Variants in CLEC4F observed in about 807,000 individuals in gnomAD.
The protein encoded by CLEC4F is C-type lectin domain family 4 member F.
CLEC4F carries 45 observed loss-of-function variants against 53.4 expected under a neutral mutation model. The ratio of observed to expected loss-of-function variants is 0.84; its 90% CI spans 0.66 to 1.08. The LOEUF (loss-of-function observed/expected upper bound fraction) is 1.08. CLEC4F is among the 50% of genes least tolerant of loss of function. CLEC4F has a pLI of 0.00. For synonymous variants in CLEC4F, 245 were observed against 257.5 expected, an observed-to-expected ratio of 0.95 and a Z score of 0.46; for missense variants, 753 against 698.2, an observed-to-expected ratio of 1.08 and a Z score of -0.88.
rs1283995755 is a variant in CLEC4F, at chr2:70,809,024, C to A, written c.*247G>T. 11 of 1,467,698 alleles carry A rather than the reference C, an allele frequency of 7.5e-6. No homozygotes were observed. The African/African-American group carries it at 9.8e-5, about 13-fold the overall frequency. The allele number at this position is 1,467,698 out of a possible 1,614,324, so 90.9% of individuals were successfully genotyped here. On this transcript the variant is annotated 3_prime_UTR_variant, in exon 7 of 7. Transcript: ENST00000272367. ...CACTTCTGCTGAATTTGGACACAGT[C>A]TTCAGTCTGCCCATTCTTGTGCCGC...
At chr2:70,812,102 A>T (rs1676600959) in intron 5 of CLEC4F, among the ~76,000 whole-genome samples, 1 of 152,178 alleles carries the variant, frequency 6.6e-6, no homozygotes, top group Admixed American at 6.5e-5. Flanking sequence ...TCCAAAAAAA[A>T]GATGACTGGA....
chr2:70,811,420 C>A lies in CLEC4F; in HGVS notation c.1539+1027G>T, dbSNP rs1291562972. 5 of 632,968 alleles carry A rather than the reference C, an allele frequency of 7.9e-6. No homozygotes were observed. The African/African-American group carries it at 9.1e-5, about 12-fold the overall frequency. 39.2% of individuals were successfully genotyped at this position (632,968 alleles called of 1,614,324 possible). ...TCAGGCCAATTATAGATATCCTGTG[C>A]CTTGGTGCCCTGCCTGTTCTGCCTC... On this transcript the variant is annotated intron_variant, in intron 5 of 6. Coordinates refer to ENST00000272367, the MANE Select transcript of CLEC4F (RefSeq NM_173535.3).
At chr2:70,809,595 C>G in intron 6 of CLEC4F, 144 bp downstream of exon 6, 2 of 794,050 alleles carry the variant, frequency 2.5e-6, no homozygotes, top group South Asian at 1.6e-5. Flanking sequence ...GGCACACACA[C>G]CACACATACA....
At chr2:70,809,484 G>T in intron 6 of CLEC4F, 102 bp from the exon 7 acceptor site, 3 of 1,317,288 alleles carry the variant, frequency 2.3e-6, no homozygotes, top group Non-Finnish European at 3.1e-6. Flanking sequence ...AGGAGTCCAG[G>T]TGAGAGCGAT....
upstream of CLEC4F, among the ~76,000 whole-genome samples, chr2:70,821,288 C>A (rs1321610149): frequency 6.6e-6 from 1 of 152,144 alleles, no homozygotes; most frequent in African/African-American, 2.4e-5. Context: ...CCCCTTAGGA[C>A]TACACTTGGG....
upstream of CLEC4F, among the ~76,000 whole-genome samples, chr2:70,820,849 T>A (rs1221334199): frequency 7.2e-5 from 11 of 152,166 alleles, no homozygotes; most frequent in Admixed American, 1.3e-4. Context: ...GGGCTGGGAC[T>A]GGCACCTAGG....
At position 70,809,198 on chromosome 2, in the gene CLEC4F, C is replaced by A. The variant is rs79617432; in HGVS notation, c.*73G>T. 2,103 of 1,576,032 alleles carry A rather than the reference C, an allele frequency of 1.3e-3. 26 individuals are homozygous for A. In the African/African-American group the frequency reaches 0.024, roughly 18 times the overall value. On this transcript the variant is annotated 3_prime_UTR_variant, in exon 7 of 7. Transcript: ENST00000272367. Reference sequence around the variant, plus strand: ...AGCTGACTTGAGATGGGTCCTTCATCCCCTAGTGGCCCTAGGATGAGGACA... The same window carrying A: ...AGCTGACTTGAGATGGGTCCTTCATACCCTAGTGGCCCTAGGATGAGGACA...
chr2:70,818,907 G>T (rs1207878490), intron 3 of CLEC4F, among the ~76,000 whole-genome samples: 2 of 151,880 alleles, frequency 1.3e-5, no homozygotes, highest in African/African-American at 4.8e-5. Flanking sequence ...CAGACTGAGA[G>T]AAAAATATTT....
At position 70,816,864 on chromosome 2, in the gene CLEC4F, G is replaced by C; in HGVS notation, c.517C>G (p.Leu173Val). The C allele has an allele frequency of 6.2e-7, 1 of 1,614,166 alleles. No individual in the cohort carries two copies. The highest frequency in any genetic ancestry group is 8.5e-7 in the Non-Finnish European group (1 of 1,180,032). ...TGGATCTCAGCATTGGTTCCCTCCA[G>C]GGAACTCCTTAACATCTGTGTCTGC... Reference protein sequence around the residue: ...SLQTQMLRSSLEGTNAEIQRL... With the variant: ...SLQTQMLRSSVEGTNAEIQRL... Residue 173 changes from leucine (L) to valine (V), a missense_variant, in exon 4 of 7, where the codon CTG becomes GTG. Leu to Val is a conservative substitution (Grantham distance 32). Transcript: ENST00000272367.
Position 70,809,764 on chromosome 2 carries a change from G to A in CLEC4F, c.1633C>T (p.Pro545Ser), listed in dbSNP as rs143296096. The change falls in exon 6 of 7, where the codon CCA (proline) becomes TCA (serine). Residue 545 changes from proline to serine, a missense_variant. Coordinates refer to ENST00000272367, the MANE Select transcript of CLEC4F (RefSeq NM_173535.3). ...GCTTTGTTCTGGGCGGCGTTGAATG[G>A]TGTCCCATCTGTCCAGCGCCAGGAG... is the stretch of plus-strand genomic sequence containing the variant. ...EGSWRWTDGT[P>S]FNAAQNKAPG... 1 of 1,614,104 alleles carries A rather than the reference G, an allele frequency of 6.2e-7. No individual in the cohort carries two copies. The highest frequency in any genetic ancestry group is 1.3e-5 in the African/African-American group (1 of 75,058).
At chr2:70,811,458 C>A in intron 5 of CLEC4F, 1 of 566,546 alleles carries the variant, frequency 1.8e-6, no homozygotes, top group Non-Finnish European at 3.5e-6. Context: ...CACTGCCATC[C>A]CCTCTGCCAT....
chr2:70,824,622 CAAAA>C (rs1180721472), upstream of CLEC4F, among the ~76,000 whole-genome samples: 1 of 38,768 alleles, frequency 2.6e-5, no homozygotes. Flanking sequence ...GCTTAGTTAC[CAAAA>C]AAAAAAAAAA....
intron 5 of CLEC4F, chr2:70,810,667 A>G (rs1676505521): frequency 4.8e-6 from 1 of 208,110 alleles, no homozygotes; most frequent in African/African-American, 2.4e-5. Flanking sequence ...AAAGGCAAAC[A>G]CAGGATACAA....
At chr2:70,823,723 C>T (rs13412064), upstream of CLEC4F, among the ~76,000 whole-genome samples, 34,586 of 152,072 alleles carry the variant, frequency 0.23, 4,242 homozygotes, top group Middle Eastern at 0.31. Flanking sequence ...CAGACAAAAA[C>T]AAATGGGCAT....
intron 5 of CLEC4F, among the ~76,000 whole-genome samples, chr2:70,810,616 CG>C (rs1676497482): frequency 2.2e-5 from 1 of 45,308 alleles, no homozygotes; most frequent in African/African-American, 9.9e-5. Context: ...GAAACTCTGT[CG>C]CAAAAAAAAA....
chr2:70,816,577 C>G lies in CLEC4F; in HGVS notation c.804G>C (p.Arg268Ser), dbSNP rs782108527. 9.3e-6 allele frequency: 15 copies of G among 1,614,004 alleles called. No homozygotes were observed. Among genetic ancestry groups the G allele is most frequent in the Non-Finnish European group, 1.3e-5 (15 of 1,180,020 alleles). Residue 268 changes from arginine to serine, a missense_variant, in exon 4 of 7, where the codon AGG (arginine) becomes AGC (serine). Transcript: ENST00000272367. ...RGHLDSVNDL[R>S]TQNQVLRNSL... is the part of the protein sequence containing the mutation. ...TATTTCTTAAAACCTGGTTCTGGGT[C>G]CTCAAGTCATTGACACTATCTAGAT...
At chr2:70,809,415 C>T (rs1676415197) in intron 6 of CLEC4F, 33 bp from the exon 7 acceptor site, 1 of 1,568,492 alleles carries the variant, frequency 6.4e-7, no homozygotes, top group Non-Finnish European at 8.6e-7. Context: ...AACAGAAAGA[C>T]CCACTCACTG....
In CLEC4F at chr2:70,808,980, G is replaced by A; in HGVS notation, c.*291C>T. ...TCTTGCACACCCACTGATAGGGGGT[G>A]TCACAGGTCATGTCATTCCACTTCT... On this transcript the variant is annotated 3_prime_UTR_variant, in exon 7 of 7. Transcript: ENST00000272367. The A allele has an allele frequency of 1.7e-6, 2 of 1,164,632 alleles. No individual in the cohort carries two copies. Among genetic ancestry groups the A allele is most frequent in the Non-Finnish European group, 2.4e-6 (2 of 816,456 alleles). The allele number at this position is 1,164,632 out of a possible 1,614,324, so 72.1% of individuals were successfully genotyped here. A position where few individuals can be genotyped will look rare whatever the true frequency, so the allele number is the denominator to read the frequency against.
rs199577616 is a variant in CLEC4F, at chr2:70,813,644, G to A, written c.1388-1046C>T. Among the ~76,000 whole-genome samples, 25 of 14,524 alleles carry A rather than the reference G, an allele frequency of 1.7e-3. 1 individual carries two copies. The highest frequency in any genetic ancestry group is 0.012 in the South Asian group (6 of 488). 9.5% of individuals were successfully genotyped at this position (14,524 alleles called of 152,430 possible). A position where few individuals can be genotyped will look rare whatever the true frequency, so the allele number is the denominator to read the frequency against. On this transcript the variant is annotated intron_variant, in intron 4 of 6. Transcript: ENST00000272367. The stretch of plus-strand genomic sequence containing the variant: ...CTTTCTTTCTTTCTTTCTTTCTTTC[G>A]CTCTCTCTCTTTTTCTTCCTTCCTT...
Sources: allele counts gnomAD v4.1 joint callset (sites outside exome capture counted in the v4.1 genomes callset), GRCh38; gene constraint gnomAD v4.1.1; transcripts MANE v1.5; gene names NCBI Gene and HGNC (gene_info 2026-07-23, HGNC 2026-07-21).